CFH: variants seen among roughly 807,000 people sequenced by gnomAD.
CFH encodes H factor 1 (complement).
In CFH, 53 loss-of-function variants were observed where a neutral mutation model predicts 147.3. That is an observed-to-expected ratio of 0.36 (90% CI 0.29 to 0.45). The LOEUF is 0.45. Ranked by LOEUF, CFH falls within the 20% of genes least tolerant of loss-of-function variation. CFH has a pLI of 1.00. For missense variants in CFH, 1,380 were observed against 1,498.0 expected, an observed-to-expected ratio of 0.92 and a Z score of 1.30; for synonymous variants, 536 against 489.4, an observed-to-expected ratio of 1.10 and a Z score of -1.26.
chr1:196,742,058 T>C lies in CFH; in HGVS notation c.3133+7T>C, dbSNP rs1365141132. 5 of 1,613,842 alleles carry C rather than the reference T, an allele frequency of 3.1e-6. No individual in the cohort carries two copies. Among genetic ancestry groups the C allele is most frequent in the South Asian group, 2.2e-5 (2 of 91,078 alleles). On this transcript the variant is annotated splice_region_variant and intron_variant, in intron 19 of 21. Coordinates refer to ENST00000367429, the MANE Select transcript of CFH (RefSeq NM_000186.4). The stretch of plus-strand genomic sequence containing the variant: ...GGAAGGCCAACATGCAGAGGTACTT[T>C]GGTGAATTTTCAAAATTTATTTATA...
chr1:196,690,657 C>T (rs1667991664), intron 9 of CFH, among the ~76,000 whole-genome samples: 1 of 152,124 alleles, frequency 6.6e-6, no homozygotes, highest in Admixed American at 6.6e-5. Flanking sequence ...ACAGCTTCCT[C>T]TCTTGTGAGA....
intron 1 of CFH, among the ~76,000 whole-genome samples, chr1:196,670,636 A>G (rs2149075934): frequency 6.6e-6 from 1 of 152,250 alleles, no homozygotes; most frequent in South Asian, 2.1e-4. Flanking sequence ...AACCATGTGG[A>G]ATTGTGAGTC....
chr1:196,722,796 G>T (rs1669031493), intron 11 of CFH, among the ~76,000 whole-genome samples: 1 of 151,534 alleles, frequency 6.6e-6, no homozygotes, highest in African/African-American at 2.4e-5. Context: ...CTTTATTTTT[G>T]TCTGACAGGG....
intron 9 of CFH, among the ~76,000 whole-genome samples, chr1:196,699,172 T>C (rs1366156184): frequency 6.6e-6 from 1 of 152,192 alleles, no homozygotes; most frequent in African/African-American, 2.4e-5. Flanking sequence ...TACCTTCACA[T>C]ACTCAGTGTA....
At position 196,690,155 on chromosome 1, in the gene CFH, C is replaced by T. The variant is rs369496377; in HGVS notation, c.1252C>T (p.Pro418Ser). The T allele has an allele frequency of 4.2e-5, 67 of 1,613,436 alleles. No homozygotes were observed. The African/African-American group carries it at 8.4e-4, about 20-fold the overall frequency. The change falls in exon 9 of 22, where the codon CCT (proline) becomes TCT (serine). Residue 418 changes from proline (P) to serine (S), a missense_variant. Physicochemically the swap from Pro to Ser is moderately conservative, Grantham distance 74. Around this residue, in one of 4 missense-constraint regions of CFH, gnomAD observed 830 missense variants for 821.4 expected, o/e 1.01. Coordinates refer to ENST00000367429, the MANE Select transcript of CFH (RefSeq NM_000186.4). The stretch of plus-strand genomic sequence containing the variant: ...TAAATCTATAGACGTTGCCTGCCAT[C>T]CTGGCTACGCTCTTCCAAAAGCGCA... ...QGKSIDVACH[P>S]GYALPKAQTT... is the part of the protein sequence containing the mutation.
Position 196,677,514 on chromosome 1 carries a change from A to C in CFH, c.466A>C (p.Lys156Gln). Residue 156 changes from lysine (K) to glutamine (Q), a missense_variant, in exon 5 of 22, where the codon AAA becomes CAA. Around this residue, in one of 4 missense-constraint regions of CFH, gnomAD observed 260 missense variants for 263.3 expected, o/e 0.99. Transcript: ENST00000367429. ...CLPVTAPENGKIVSSAMEPDR... is the reference protein window; with the variant it reads ...CLPVTAPENGQIVSSAMEPDR... ...ACCAGTGACAGCACCAGAGAATGGA[A>C]AAATTGTCAGTAGTGCAATGGAACC... 1 of 1,613,232 alleles carries C rather than the reference A, an allele frequency of 6.2e-7. No individual in the cohort carries two copies. The highest frequency in any genetic ancestry group is 8.5e-7 in the Non-Finnish European group (1 of 1,179,404).
At chr1:196,661,037 A>C (rs1666880895) in intron 1 of CFH, among the ~76,000 whole-genome samples, 1 of 152,188 alleles carries the variant, frequency 6.6e-6, no homozygotes, top group African/African-American at 2.4e-5. Context: ...AAAAACAAAC[A>C]TATCAGCTTG....
chr1:196,702,612 A>T (rs1668487961), intron 9 of CFH, among the ~76,000 whole-genome samples: 1 of 151,884 alleles, frequency 6.6e-6, no homozygotes, highest in Non-Finnish European at 1.5e-5. Flanking sequence ...AGGCACCCCC[A>T]ATTTGCTCAA....
chr1:196,669,460 C>T (rs926202665), intron 1 of CFH, among the ~76,000 whole-genome samples: 7 of 152,268 alleles, frequency 4.6e-5, no homozygotes, highest in East Asian at 1.9e-4. Context: ...CAGGCCTGGG[C>T]CCCACTGCTG....
rs1669150167 is a variant in CFH at position 196,726,755 on chromosome 1, A to G, written c.2057-6A>G. ...ACAATAAACTTTTTTTGTAAAATTT[A>G]CATAGTGGAGGAGAGTACCTGTGGA... On this transcript the variant is annotated splice_polypyrimidine_tract_variant and splice_region_variant and intron_variant, in intron 13 of 21. Coordinates refer to ENST00000367429, the MANE Select transcript of CFH (RefSeq NM_000186.4). 1.2e-6 allele frequency: 2 copies of G among 1,613,632 alleles called. No individual in the cohort carries two copies. The highest frequency in any genetic ancestry group is 2.7e-5 in the African/African-American group (2 of 74,924).
intron 15 of CFH, among the ~76,000 whole-genome samples, chr1:196,731,906 C>CT (rs1322219394): frequency 2.6e-5 from 4 of 151,948 alleles, no homozygotes; most frequent in Admixed American, 1.3e-4. Flanking sequence ...TTTTCATTGG[C>CT]TTTTTTCAAT....
At chr1:196,666,556 G>T (rs1667094156) in intron 1 of CFH, among the ~76,000 whole-genome samples, 1 of 151,852 alleles carries the variant, frequency 6.6e-6, no homozygotes, top group Non-Finnish European at 1.5e-5. Context: ...GGAGGCCGAG[G>T]TGGGCGGATC....
chr1:196,736,882 A>T lies in CFH; in HGVS notation c.2472A>T (p.Thr824=), dbSNP rs1669416562. ...PPQIPNSHNM[T]TTLNYRDGEK... ...AGATTCCCAATTCTCACAATATGAC[A>T]ACCACACTGAATTATCGGGATGGAG... Residue 824 remains threonine, a synonymous_variant, in exon 16 of 22, where the codon ACA becomes ACT. Transcript: ENST00000367429. 6.2e-7 allele frequency: 1 copy of T among 1,606,478 alleles called. No homozygotes were observed. Among genetic ancestry groups the T allele is most frequent in the Non-Finnish European group, 8.5e-7 (1 of 1,175,686 alleles).
chr1:196,730,034 T>G (rs1336957368), intron 15 of CFH, among the ~76,000 whole-genome samples: 2 of 151,916 alleles, frequency 1.3e-5, no homozygotes, highest in African/African-American at 4.8e-5. Context: ...AAAAAAAAAC[T>G]ATTTTCATTG....
chr1:196,692,245 TTAA>T (rs199614791), intron 9 of CFH: 3,138 of 168,790 alleles, frequency 0.019, 35 homozygotes, highest in African/African-American at 0.026. Context: ...ATATAGGTTT[TTAA>T]TAAGTATGGA....
intron 19 of CFH, among the ~76,000 whole-genome samples, chr1:196,742,418 A>G (rs936894022): frequency 6.6e-6 from 1 of 152,148 alleles, no homozygotes; most frequent in Non-Finnish European, 1.5e-5. Context: ...TATAAGTACA[A>G]TTTATTTATA....
chr1:196,712,577 C>T (rs1668746393), intron 9 of CFH, among the ~76,000 whole-genome samples: 1 of 151,518 alleles, frequency 6.6e-6, no homozygotes, highest in Middle Eastern at 3.4e-3. Context: ...TGGGAAGCAA[C>T]CTAGTAAACG....
intron 3 of CFH, among the ~76,000 whole-genome samples, 179 bp from the exon 4 acceptor site, chr1:196,675,810 A>T (rs528144204): frequency 6.6e-6 from 1 of 152,194 alleles, no homozygotes; most frequent in South Asian, 2.1e-4. Flanking sequence ...GAAATCTAAG[A>T]CAGAGTGAAG....
chr1:196,690,294 A>T, intron 9 of CFH, 55 bp downstream of exon 9: 1 of 1,604,334 alleles, frequency 6.2e-7, no homozygotes, highest in South Asian at 1.1e-5. Context: ...AGTAACATAG[A>T]TGACATTCTA....
Sources: gnomAD v4.1 joint callset for allele counts (sites outside exome capture counted in the v4.1 genomes callset) on GRCh38, gnomAD v4.1.1 for gene constraint, gnomAD v4.1.1 regional missense constraint, MANE v1.5 for transcripts, NCBI Gene and HGNC (gene_info 2026-07-23, HGNC 2026-07-21) for gene names.